DNAH12: variants seen among roughly 807,000 people sequenced by gnomAD.
DNAH12 encodes dynein axonemal heavy chain 12.
A neutral mutation model predicts 371.5 loss-of-function variants in DNAH12; 285 were observed. The ratio of observed to expected loss-of-function variants is 0.77; its 90% CI spans 0.70 to 0.85. The LOEUF is 0.85. DNAH12 is among the 40% of genes least tolerant of loss of function. DNAH12 has a pLI of 0.00. For missense variants in DNAH12, 3,611 were observed against 3,689.4 expected (o/e 0.98, Z 0.55); for synonymous variants, 1,200 against 1,213.0 (o/e 0.99, Z 0.22).
intron 11 of DNAH12, among the ~76,000 whole-genome samples, chr3:57,500,163 C>G (rs1057330657): frequency 6.6e-5 from 10 of 151,918 alleles, no homozygotes; most frequent in Admixed American, 5.2e-4. Context: ...CCTCAGCCCC[C>G]CCTAGTAGCT....
At chr3:57,296,552 T>A in intron 71 of DNAH12, 117 bp from the exon 72 acceptor site, 1 of 819,118 alleles carries the variant, frequency 1.2e-6, no homozygotes. Flanking sequence ...TAATAGCTTG[T>A]TAAACTATAC....
intron 4 of DNAH12, chr3:57,520,030 T>G: frequency 2.9e-5 from 20 of 693,496 alleles, no homozygotes; most frequent in Non-Finnish European, 3.7e-5. Context: ...GCGGAGCCGA[T>G]GGCCGACGTT....
intron 13 of DNAH12, among the ~76,000 whole-genome samples, chr3:57,481,991 C>T (rs2066760452): frequency 6.6e-6 from 1 of 152,128 alleles, no homozygotes; most frequent in Admixed American, 6.5e-5. Flanking sequence ...TAGGCAATAC[C>T]ATTCAGGACA....
Position 57,388,846 on chromosome 3 carries a change from T to C in DNAH12, c.7306-1627A>G, listed in dbSNP as rs911771016. On this transcript the variant is annotated intron_variant, in intron 45 of 73. Transcript: ENST00000495027. The stretch of plus-strand genomic sequence containing the variant: ...GCATGTTCTTACTCATAGGTGGGAA[T>C]TGAACAATGAGAACACTTGGACACA... 4.1e-5 allele frequency among the ~76,000 whole-genome samples: 6 copies of C among 147,092 alleles called. No homozygotes were observed. The East Asian group carries it at 1.0e-3, about 25-fold the overall frequency.
chr3:57,477,403 G>T (rs1278297509), intron 13 of DNAH12, among the ~76,000 whole-genome samples: 3 of 152,192 alleles, frequency 2.0e-5, no homozygotes, highest in Non-Finnish European at 4.4e-5. Flanking sequence ...GCCGAGGCTT[G>T]ACTAGGTAAA....
At chr3:57,365,139 T>C (rs2063020188) in intron 57 of DNAH12, among the ~76,000 whole-genome samples, 1 of 152,146 alleles carries the variant, frequency 6.6e-6, no homozygotes, top group East Asian at 1.9e-4. Flanking sequence ...AATCATTCTA[T>C]TATAAAGGTA....
At chr3:57,401,480 C>T (rs2153351302) in intron 43 of DNAH12, among the ~76,000 whole-genome samples, 1 of 144,862 alleles carries the variant, frequency 6.9e-6, no homozygotes, top group East Asian at 2.1e-4. Flanking sequence ...AGGAGAATCG[C>T]TTGAACCTGG....
At chr3:57,526,157 T>C (rs1362880302) in intron 2 of DNAH12, among the ~76,000 whole-genome samples, 2 of 152,146 alleles carry the variant, frequency 1.3e-5, no homozygotes, top group Admixed American at 1.3e-4. Context: ...CCTTCTACAA[T>C]CTATTTCCAT....
chr3:57,372,716 G>A (rs975519103), intron 55 of DNAH12, among the ~76,000 whole-genome samples: 12 of 151,566 alleles, frequency 7.9e-5, no homozygotes, highest in Non-Finnish European at 1.5e-4. Flanking sequence ...TAACCAATAA[G>A]CCAATGTGGA....
intron 22 of DNAH12, among the ~76,000 whole-genome samples, chr3:57,457,122 A>T (rs1403230797): frequency 1.3e-5 from 2 of 152,112 alleles, no homozygotes; most frequent in Admixed American, 1.3e-4. Context: ...TCACACCTCC[A>T]CTAATCTATT....
chr3:57,550,176 G>C, the DNAH12 span, among the ~76,000 whole-genome samples: 1 of 151,972 alleles, frequency 6.6e-6, no homozygotes, highest in Non-Finnish European at 1.5e-5. Context: ...AATTAGCCAG[G>C]CATGGCTACA....
chr3:57,397,331 C>G (rs1405173195), intron 43 of DNAH12, among the ~76,000 whole-genome samples: 2 of 152,192 alleles, frequency 1.3e-5, no homozygotes, highest in Non-Finnish European at 2.9e-5. Context: ...AAGGGTAAGA[C>G]AGTACCTCAA....
chr3:57,309,154 T>C lies in DNAH12; in HGVS notation c.11186A>G (p.Asn3729Ser). ...CACTGGGGATATAGATCCTTACTTG[T>C]TAAATCTTTCCATTTCTTGTACTAA... is the stretch of plus-strand genomic sequence containing the variant. Reference protein sequence around the residue: ...TVLVQEMERFNNLIITIRNTL... With the variant: ...TVLVQEMERFSNLIITIRNTL... The change falls in exon 69 of 74, where the codon AAC becomes AGC. Residue 3729 changes from asparagine to serine, a missense_variant. This residue lies in a region of DNAH12 where 2,266 missense variants were observed against 2,236.9 expected (regional missense o/e 1.01). Coordinates refer to ENST00000495027, the MANE Select transcript of DNAH12 (RefSeq NM_001366028.2). 6.5e-7 allele frequency: 1 copy of C among 1,539,756 alleles called. No homozygotes were observed. The highest frequency in any genetic ancestry group is 8.8e-7 in the Non-Finnish European group (1 of 1,141,500).
chr3:57,553,893 C>T, the DNAH12 span, among the ~76,000 whole-genome samples: 1 of 150,006 alleles, frequency 6.7e-6, no homozygotes, highest in Admixed American at 6.6e-5. Context: ...GGCGCGATCT[C>T]GGCTCACTGC....
At chr3:57,455,557 G>A (rs1437669605) in intron 22 of DNAH12, among the ~76,000 whole-genome samples, 6 of 148,790 alleles carry the variant, frequency 4.0e-5, no homozygotes, top group Non-Finnish European at 7.5e-5. Flanking sequence ...GCAACAGAGT[G>A]AGACTCTGTC....
At chr3:57,530,648 G>A (rs1362346005) in intron 2 of DNAH12, 1 of 495,584 alleles carries the variant, frequency 2.0e-6, no homozygotes, top group Non-Finnish European at 3.7e-6. Flanking sequence ...ACTGTCAGTA[G>A]AGTGTGCTGT....
At chr3:57,302,127 TTACA>T (rs1213568189) in intron 69 of DNAH12, among the ~76,000 whole-genome samples, 188 bp from the exon 70 acceptor site, 1 of 152,166 alleles carries the variant, frequency 6.6e-6, no homozygotes, top group African/African-American at 2.4e-5. Flanking sequence ...ATTTTAATCA[TTACA>T]TACATATTTT....
the DNAH12 span, among the ~76,000 whole-genome samples, chr3:57,551,562 G>A: frequency 6.6e-6 from 1 of 152,202 alleles, no homozygotes; most frequent in East Asian, 1.9e-4. Context: ...TAGCCACCGC[G>A]CCCGGCCACA....
intron 48 of DNAH12, 58 bp from the exon 49 acceptor site, chr3:57,385,063 A>C (rs1225456097): frequency 1.3e-5 from 2 of 152,208 alleles, no homozygotes; most frequent in African/African-American, 4.8e-5. Context: ...TCTCAATCCT[A>C]GACAAAAGAA....
Sources: allele counts gnomAD v4.1 joint callset (sites outside exome capture counted in the v4.1 genomes callset), GRCh38; gene constraint gnomAD v4.1.1; regional missense constraint gnomAD v4.1.1; transcripts MANE v1.5; gene names NCBI Gene and HGNC (gene_info 2026-07-23, HGNC 2026-07-21).